The following TELO2 variants were observed in gnomAD, a reference collection of about 807,000 sequenced individuals.
TELO2 encodes the protein telomere maintenance 2, also known as telomere length regulation protein TEL2 homolog.
In TELO2, 71 loss-of-function variants were observed where a neutral mutation model predicts 91.0. The observed-to-expected ratio is 0.78, with a 90% CI of 0.64 to 0.95. TELO2 has a LOEUF of 0.95. Ranked by LOEUF, TELO2 falls within the 40% of genes least tolerant of loss-of-function variation. The pLI, the probability that TELO2 is intolerant of heterozygous loss-of-function variation, is 0.00. For synonymous variants in TELO2, 584 were observed against 518.9 expected (o/e 1.13, Z -1.71); for missense variants, 1,183 against 1,141.3 (o/e 1.04, Z -0.53).
In TELO2 at chr16:1,507,691, G is replaced by T; in HGVS notation, c.2382G>T (p.Leu794=). The part of the protein sequence containing the change: ...ARLLEDLMDE[L]LEARSWLADV... Reference sequence around the variant, plus strand: ...TGCTGGAGGACCTGATGGACGAGCTGCTGGAAGCCCGGTCCTGGCTGGCGG... The same window carrying T: ...TGCTGGAGGACCTGATGGACGAGCTTCTGGAAGCCCGGTCCTGGCTGGCGG... Residue 794 remains leucine (L), a synonymous_variant, in exon 20 of 21, where the codon CTG becomes CTT. Coordinates refer to ENST00000262319, the MANE Select transcript of TELO2 (RefSeq NM_016111.4). 2 of 1,604,470 alleles carry T rather than the reference G, an allele frequency of 1.2e-6. No individual in the cohort carries two copies. The highest frequency in any genetic ancestry group is 1.7e-6 in the Non-Finnish European group (2 of 1,179,756).
At position 1,505,166 on chromosome 16, in the gene TELO2, G is replaced by T; in HGVS notation, c.1843-244G>T. On this transcript the variant is annotated intron_variant, in intron 15 of 20. Coordinates refer to ENST00000262319, the MANE Select transcript of TELO2 (RefSeq NM_016111.4). The surrounding 1 kb of genome is among the most constrained non-coding windows in gnomAD (Gnocchi z 4.3). ...GACTGCGTGGCTTTAGGATGAGGCT[G>T]CGCTCGGCCCTGGGCGTGTTCTCAT... is the stretch of plus-strand genomic sequence containing the variant. 2.0e-6 allele frequency: 1 copy of T among 510,370 alleles called. No individual in the cohort carries two copies. The highest frequency in any genetic ancestry group is 3.5e-6 in the Non-Finnish European group (1 of 285,626). The allele number at this position is 510,370 out of a possible 1,614,324, so 31.6% of individuals were successfully genotyped here.
rs770245204 is a variant in TELO2, at chr16:1,501,485, C to A, written c.1347C>A (p.Gly449=). Residue 449 remains glycine (G), a synonymous_variant, in exon 10 of 21, where the codon GGC becomes GGA. Transcript: ENST00000262319. ...ALASPQPAGD[G]ASEAGTSLVP... ...CCTCCCCCCAGCCTGCGGGTGACGG[C>A]GCCTCGGAGGCGGGGTGAGGGTCTC... 6.2e-7 allele frequency: 1 copy of A among 1,609,924 alleles called. No homozygotes were observed. The highest frequency in any genetic ancestry group is 1.1e-5 in the South Asian group (1 of 90,776).
Position 1,496,569 on chromosome 16 carries a change from C to T in TELO2, c.614-467C>T, listed in dbSNP as rs2039500365. Among the ~76,000 whole-genome samples the T allele has an allele frequency of 2.6e-5, 4 of 152,218 alleles. No individual in the cohort carries two copies. In the South Asian group the frequency reaches 8.3e-4, roughly 31 times the overall value. On this transcript the variant is annotated intron_variant, in intron 3 of 20. Transcript: ENST00000262319. ...CGGCTCTGTGCTTTCCGCTGCCCCG[C>T]GTCCCAGCTCTTCTGTGGGGCTGGT...
In TELO2 at chr16:1,505,654, G is replaced by GC; in HGVS notation, c.2034+53_2034+54insC. ...GGGCATGGGGACCGTGGGTGGGTGG[G>GC]AAGGGCGGTCAGACACCTCCAGGCG... On this transcript the variant is annotated intron_variant, in intron 16 of 20. Coordinates refer to ENST00000262319, the MANE Select transcript of TELO2 (RefSeq NM_016111.4). This position sits in a 1 kb window ranked among gnomAD's most constrained non-coding sequence, Gnocchi z 4.3. The GC allele has an allele frequency of 2.3e-4, 152 of 666,300 alleles. No homozygotes were observed. Among genetic ancestry groups the GC allele is most frequent in the East Asian group, 3.6e-4 (9 of 25,304 alleles). The allele number at this position is 666,300 out of a possible 1,614,324, so 41.3% of individuals were successfully genotyped here.
chr16:1,505,514 C>T lies in TELO2; in HGVS notation c.1947C>T (p.Ala649=), dbSNP rs149800782. 181 of 1,613,084 alleles carry T rather than the reference C, an allele frequency of 1.1e-4. No individual in the cohort carries two copies. In the African/African-American group the frequency reaches 2.0e-3, roughly 18 times the overall value. The change falls in exon 16 of 21, where the codon GCC becomes GCT. Residue 649 remains alanine (A), a synonymous_variant. Coordinates refer to ENST00000262319, the MANE Select transcript of TELO2 (RefSeq NM_016111.4). The surrounding 1 kb of genome is among the most constrained non-coding windows in gnomAD (Gnocchi z 4.3). ...SPNTPCLPEA[A]VSQPGSAVAS... ...ACACCCCGTGCCTGCCAGAGGCAGCCGTCTCTCAGCCTGGCAGTGCCGTGG... is the reference window on the plus strand; with the variant it reads ...ACACCCCGTGCCTGCCAGAGGCAGCTGTCTCTCAGCCTGGCAGTGCCGTGG...
chr16:1,509,875 T>C lies in TELO2; in HGVS notation c.2453T>C (p.Leu818Pro). The C allele has an allele frequency of 3.7e-6, 6 of 1,612,454 alleles. No individual in the cohort carries two copies. The highest frequency in any genetic ancestry group is 5.1e-6 in the Non-Finnish European group (6 of 1,179,658). ...GACGAGGACTGCAGGACGCTGGCAC[T>C]GAGGGCCCTGCTGCTTCTGCAGAGA... ...DPDEDCRTLA[L>P]RALLLLQRLK... Residue 818 changes from leucine (L) to proline (P), a missense_variant, in exon 21 of 21, where the codon CTG becomes CCG. Physicochemically the swap from Leu to Pro is moderately conservative, Grantham distance 98. Coordinates refer to ENST00000262319, the MANE Select transcript of TELO2 (RefSeq NM_016111.4).
intron 15 of TELO2, among the ~76,000 whole-genome samples, chr16:1,504,610 T>G (rs1343734863): frequency 8.2e-6 from 1 of 121,646 alleles, no homozygotes; most frequent in Admixed American, 9.7e-5. Flanking sequence ...CAGGCTGGAG[T>G]GCAGTGGCGC....
At chr16:1,502,430 G>A (rs1298433503) in intron 13 of TELO2, 26 bp downstream of exon 13, 1 of 1,572,760 alleles carries the variant, frequency 6.4e-7, no homozygotes, top group Non-Finnish European at 8.6e-7. Flanking sequence ...GAGTGGGTGG[G>A]GAGGCCCAAG....
intron 10 of TELO2, 41 bp from the exon 11 acceptor site, chr16:1,501,622 G>A (rs749396364): frequency 1.1e-5 from 18 of 1,580,708 alleles, no homozygotes; most frequent in South Asian, 5.7e-5. Context: ...CCAGAGGCTC[G>A]AGGGGCCCCT....
chr16:1,504,412 C>T (rs183209994), intron 15 of TELO2, among the ~76,000 whole-genome samples: 154 of 93,328 alleles, frequency 1.7e-3, no homozygotes, highest in Admixed American at 2.8e-3. Flanking sequence ...CCAGACTGGG[C>T]GACAGAGCGA....
chr16:1,494,320 G>A lies in TELO2; in HGVS notation c.39G>A (p.Arg13=). ...PAPSEVRLAV[R]EAIHALSSSE... is the part of the protein sequence containing the mutation. Reference sequence around the variant, plus strand: ...CCTCAGAGGTTCGACTCGCCGTCCGGGAAGCCATTCATGCCCTCTCGTCTT... The same window carrying A: ...CCTCAGAGGTTCGACTCGCCGTCCGAGAAGCCATTCATGCCCTCTCGTCTT... The change falls in exon 2 of 21, where the codon CGG becomes CGA. Residue 13 remains arginine, a synonymous_variant. Transcript: ENST00000262319. This position sits in a 1 kb window ranked among gnomAD's most constrained non-coding sequence, Gnocchi z 5.6. 2 of 1,613,516 alleles carry A rather than the reference G, an allele frequency of 1.2e-6. No individual in the cohort carries two copies. Among genetic ancestry groups the A allele is most frequent in the African/African-American group, 1.3e-5 (1 of 75,008 alleles).
chr16:1,507,099 C>T, intron 18 of TELO2, 48 bp downstream of exon 18: 1 of 1,550,212 alleles, frequency 6.5e-7, no homozygotes, highest in Non-Finnish European at 8.7e-7. Flanking sequence ...AACCATGGAT[C>T]AGGAGCGCTC....
intron 15 of TELO2, among the ~76,000 whole-genome samples, chr16:1,503,821 G>C (rs1289489133): frequency 6.6e-6 from 1 of 152,116 alleles, no homozygotes; most frequent in Non-Finnish European, 1.5e-5. Context: ...TAATGCCACG[G>C]AACTGTACAC....
chr16:1,509,483 C>T (rs2040044621), intron 20 of TELO2, among the ~76,000 whole-genome samples: 1 of 152,230 alleles, frequency 6.6e-6, no homozygotes, highest in Non-Finnish European at 1.5e-5. Flanking sequence ...CACCCGGATT[C>T]CTACGGTCTT....
chr16:1,500,770 C>T, intron 9 of TELO2, 71 bp downstream of exon 9: 1 of 1,568,438 alleles, frequency 6.4e-7, no homozygotes, highest in South Asian at 1.2e-5. Flanking sequence ...CTCTCCAGCC[C>T]CAGGGTCACC....
intron 18 of TELO2, 102 bp downstream of exon 18, chr16:1,507,153 C>A: frequency 1.3e-6 from 2 of 1,492,438 alleles, no homozygotes; most frequent in Non-Finnish European, 1.8e-6. Flanking sequence ...GAGGGAGGGG[C>A]TGCCTGTGTG....
chr16:1,507,260 G>A, intron 18 of TELO2, 46 bp from the exon 19 acceptor site: 1 of 1,597,846 alleles, frequency 6.3e-7, no homozygotes, highest in Non-Finnish European at 8.5e-7. Flanking sequence ...CTGGGATGTG[G>A]GGACGGCGTC....
intron 3 of TELO2, among the ~76,000 whole-genome samples, chr16:1,496,779 G>A (rs762570736): frequency 2.6e-5 from 4 of 152,202 alleles, no homozygotes; most frequent in African/African-American, 9.7e-5. Context: ...ACATCATACC[G>A]GTCCCGACCT....
At position 1,497,953 on chromosome 16, in the gene TELO2, C is replaced by T. The variant is rs2039552382; in HGVS notation, c.830+445C>T. Among the ~76,000 whole-genome samples the T allele has an allele frequency of 6.6e-6, 1 of 152,046 alleles. No individual in the cohort carries two copies. Among genetic ancestry groups the T allele is most frequent in the South Asian group, 2.1e-4 (1 of 4,824 alleles). ...CTGCCAGCTCACCTGCCTCAGATGTCTCCCCTCCCTTCAACGTGTGCAAGG... is the reference window on the plus strand; with the variant it reads ...CTGCCAGCTCACCTGCCTCAGATGTTTCCCCTCCCTTCAACGTGTGCAAGG... On this transcript the variant is annotated intron_variant, in intron 5 of 20. Coordinates refer to ENST00000262319, the MANE Select transcript of TELO2 (RefSeq NM_016111.4). The surrounding 1 kb of genome is among the most constrained non-coding windows in gnomAD (Gnocchi z 4.0).
Sources: gnomAD v4.1 joint callset for allele counts (sites outside exome capture counted in the v4.1 genomes callset) on GRCh38, gnomAD v4.1.1 for gene constraint, Gnocchi (gnomAD v3.1) non-coding constraint, MANE v1.5 for transcripts, NCBI Gene and HGNC (gene_info 2026-07-23, HGNC 2026-07-21) for gene names.